The following LRP1B variants were observed in gnomAD, a reference collection of about 807,000 sequenced individuals.
The protein encoded by LRP1B is low-density lipoprotein receptor-related protein 1B.
LRP1B carries 217 observed loss-of-function variants against 556.6 expected under a neutral mutation model. The ratio of observed to expected loss-of-function variants is 0.39; its 90% CI spans 0.35 to 0.44. The LOEUF is 0.44. Ranked by LOEUF, LRP1B falls within the 20% of genes least tolerant of loss-of-function variation. LRP1B has a pLI of 1.00. For missense variants in LRP1B, 5,053 were observed against 5,620.8 expected, an observed-to-expected ratio of 0.90 and a Z score of 3.23; for synonymous variants, 2,047 against 1,865.8, an observed-to-expected ratio of 1.10 and a Z score of -2.50.
intron 21 of LRP1B, among the ~76,000 whole-genome samples, chr2:140,915,340 G>GCTTA (rs1694542542): frequency 6.6e-6 from 1 of 151,962 alleles, no homozygotes. Context: ...AGGATTAGGA[G>GCTTA]GCCACAGGAT....
At chr2:141,090,143 G>A (rs370812187) in intron 7 of LRP1B, among the ~76,000 whole-genome samples, 27 of 152,318 alleles carry the variant, frequency 1.8e-4, no homozygotes, top group East Asian at 1.2e-3. Context: ...CAGGGGGTTA[G>A]TGTTGATTGA....
chr2:140,715,863 T>C, intron 37 of LRP1B, 110 bp downstream of exon 37: 2 of 832,964 alleles, frequency 2.4e-6, no homozygotes, highest in Non-Finnish European at 3.6e-6. Flanking sequence ...TTAGGTAAGA[T>C]ATTCTTGATT....
At chr2:141,288,913 T>C (rs1573758899) in intron 3 of LRP1B, among the ~76,000 whole-genome samples, 2 of 152,148 alleles carry the variant, frequency 1.3e-5, no homozygotes, top group African/African-American at 4.8e-5. Flanking sequence ...CACTAGAAAG[T>C]GCAGACATCA....
intron 35 of LRP1B, among the ~76,000 whole-genome samples, chr2:140,725,082 T>C (rs1271801405): frequency 1.3e-5 from 2 of 152,202 alleles, no homozygotes; most frequent in Admixed American, 6.5e-5. Flanking sequence ...ATGATTTCTT[T>C]GGGGAACTAA....
intron 1 of LRP1B, among the ~76,000 whole-genome samples, chr2:141,822,122 C>A (rs866819262): frequency 9.4e-6 from 1 of 106,300 alleles, no homozygotes; most frequent in Non-Finnish European, 1.8e-5. Context: ...CACACACACA[C>A]ACACACACAG....
chr2:141,205,100 A>C lies in LRP1B; in HGVS notation c.851-16517T>G, dbSNP rs552361149. Among the ~76,000 whole-genome samples the C allele has an allele frequency of 8.5e-5, 13 of 152,318 alleles. No individual in the cohort carries two copies. In the South Asian group the frequency reaches 2.7e-3, roughly 32 times the overall value. On this transcript the variant is annotated intron_variant, in intron 6 of 90. Coordinates refer to ENST00000389484, the MANE Select transcript of LRP1B (RefSeq NM_018557.3). Reference sequence around the variant, plus strand: ...TGGTAATACACTTGATCTCTGACCAAGACAAAATATCAATATTATTAAAGT... The same window carrying C: ...TGGTAATACACTTGATCTCTGACCACGACAAAATATCAATATTATTAAAGT...
Position 140,872,360 on chromosome 2 carries a change from A to ATTTTTTTTTTTTTTTTT in LRP1B, c.4170-4114_4170-4098dup, listed in dbSNP as rs59469282. 7.1e-4 allele frequency among the ~76,000 whole-genome samples: 43 copies of ATTTTTTTTTTTTTTTTT among 60,484 alleles called. 5 individuals are homozygous for ATTTTTTTTTTTTTTTTT. Among genetic ancestry groups the ATTTTTTTTTTTTTTTTT allele is most frequent in the Non-Finnish European group, 9.5e-4 (32 of 33,530 alleles). 39.7% of individuals were successfully genotyped at this position (60,484 alleles called of 152,430 possible). ...GCTTGCTTTTGTATTGTGTCACCTG[A>ATTTTTTTTTTTTTTTTT]TTTTTTTTTTTTTTTTTTTTTTTTT... On this transcript the variant is annotated intron_variant, in intron 25 of 90. Coordinates refer to ENST00000389484, the MANE Select transcript of LRP1B (RefSeq NM_018557.3).
Position 140,938,297 on chromosome 2 carries a change from A to T in LRP1B, c.3136+11938T>A, listed in dbSNP as rs1695291098. ...GTGTGAGAATGTCCAAACTATCACA[A>T]TGAAAAAGTCCTAGAATCTATTTTA... On this transcript the variant is annotated intron_variant, in intron 20 of 90. Coordinates refer to ENST00000389484, the MANE Select transcript of LRP1B (RefSeq NM_018557.3). Among the ~76,000 whole-genome samples, 3 of 152,060 alleles carry T rather than the reference A, an allele frequency of 2.0e-5. No individual in the cohort carries two copies. The South Asian group carries it at 6.2e-4, about 31-fold the overall frequency.
intron 7 of LRP1B, among the ~76,000 whole-genome samples, chr2:141,113,758 G>A (rs1467068003): frequency 6.9e-6 from 1 of 144,932 alleles, no homozygotes; most frequent in African/African-American, 2.5e-5. Flanking sequence ...AATGCAAAAA[G>A]CTATTAATAT....
intron 1 of LRP1B, among the ~76,000 whole-genome samples, chr2:141,859,513 A>G (rs1406337819): frequency 6.6e-6 from 1 of 152,190 alleles, no homozygotes. Context: ...TTCATCAAAT[A>G]GTTTGCCATG....
chr2:141,415,079 A>G (rs1331429694), intron 3 of LRP1B, among the ~76,000 whole-genome samples: 1 of 152,178 alleles, frequency 6.6e-6, no homozygotes, highest in Non-Finnish European at 1.5e-5. Context: ...CAGTGGCGCT[A>G]TCTTGGCTCA....
intron 3 of LRP1B, among the ~76,000 whole-genome samples, chr2:141,409,150 T>A (rs1299278436): frequency 6.6e-6 from 1 of 152,140 alleles, no homozygotes; most frequent in Non-Finnish European, 1.5e-5. Context: ...TGATTCAGAG[T>A]ACCAAATTAA....
At chr2:141,073,957 T>C (rs1177018060) in intron 7 of LRP1B, among the ~76,000 whole-genome samples, 1 of 152,114 alleles carries the variant, frequency 6.6e-6, no homozygotes, top group African/African-American at 2.4e-5. Flanking sequence ...TTTCTTATCG[T>C]AGCCAAAGAC....
At chr2:141,133,609 T>C (rs903867739) in intron 7 of LRP1B, among the ~76,000 whole-genome samples, 1 of 152,040 alleles carries the variant, frequency 6.6e-6, no homozygotes, top group African/African-American at 2.4e-5. Flanking sequence ...ATATTCACTG[T>C]TATTATTTTT....
At chr2:140,438,203 C>T (rs1429109682) in intron 66 of LRP1B, among the ~76,000 whole-genome samples, 6 of 152,126 alleles carry the variant, frequency 3.9e-5, no homozygotes, top group South Asian at 2.1e-4. Context: ...TGGGATCTCA[C>T]TATGATGCCC....
At chr2:140,483,600 A>C (rs1334254310) in intron 59 of LRP1B, among the ~76,000 whole-genome samples, 1 of 83,008 alleles carries the variant, frequency 1.2e-5, no homozygotes, top group Non-Finnish European at 2.4e-5. Flanking sequence ...ATATATAGAC[A>C]CACACACACA....
At chr2:140,875,705 A>G (rs932376026) in intron 25 of LRP1B, among the ~76,000 whole-genome samples, 4 of 152,172 alleles carry the variant, frequency 2.6e-5, no homozygotes, top group African/African-American at 9.7e-5. Flanking sequence ...AAGTCCAAAA[A>G]TGACATAATT....
At chr2:141,489,984 T>C (rs569357583) in intron 2 of LRP1B, among the ~76,000 whole-genome samples, 1 of 152,308 alleles carries the variant, frequency 6.6e-6, no homozygotes, top group African/African-American at 2.4e-5. Flanking sequence ...TTCAAATGGA[T>C]GTTGTGAAGA....
chr2:141,836,028 G>C (rs1697265222), intron 1 of LRP1B, among the ~76,000 whole-genome samples: 2 of 151,908 alleles, frequency 1.3e-5, no homozygotes, highest in Admixed American at 6.6e-5. Flanking sequence ...GCTTGATATG[G>C]ATTCTTCAGG....
Sources: allele counts gnomAD v4.1 joint callset (sites outside exome capture counted in the v4.1 genomes callset), GRCh38; gene constraint gnomAD v4.1.1; transcripts MANE v1.5; gene names NCBI Gene and HGNC (gene_info 2026-07-23, HGNC 2026-07-21).